The following ADAT2 variants were observed in gnomAD, a reference collection of about 807,000 sequenced individuals.
ADAT2 encodes the protein tRNA-specific adenosine-34 deaminase catalytic subunit ADAT2.
In ADAT2, 26 loss-of-function variants were observed where a neutral mutation model predicts 25.9. The ratio of observed to expected loss-of-function variants is 1.00; its 90% confidence interval spans 0.74 to 1.39. The LOEUF (loss-of-function observed/expected upper bound fraction) is 1.39. Among genes scored for constraint, ADAT2 ranks in the 40% most tolerant of loss-of-function variants. The pLI is 0.00. For synonymous variants in ADAT2, 76 were observed against 86.8 expected, an observed-to-expected ratio of 0.88 and a Z score of 0.69; for missense variants, 220 against 244.8, an observed-to-expected ratio of 0.90 and a Z score of 0.68.
At position 143,446,211 on chromosome 6, in the gene ADAT2, G is replaced by A. The variant is rs1306752578; in HGVS notation, c.96+4352C>T. Among the ~76,000 whole-genome samples, 1 of 151,958 alleles carries A rather than the reference G, an allele frequency of 6.6e-6. No homozygotes were observed. The highest frequency in any genetic ancestry group is 2.4e-5 in the African/African-American group (1 of 41,392). ...TTTACAGTTTTTAAAAAGTCAAATA[G>A]ATTTACACTGTATATACAGTTCAGC... On this transcript the variant is annotated intron_variant, in intron 1 of 5. Coordinates refer to ENST00000237283, the MANE Select transcript of ADAT2 (RefSeq NM_182503.3). The surrounding 1 kb of genome is among the most constrained non-coding windows in gnomAD (Gnocchi z 5.0).
chr6:143,433,432 C>T (rs1779175177), intron 3 of ADAT2, among the ~76,000 whole-genome samples: 1 of 152,080 alleles, frequency 6.6e-6, no homozygotes, highest in Non-Finnish European at 1.5e-5. Flanking sequence ...GGCAAACAAA[C>T]CAACCAGATA....
At chr6:143,431,989 A>G (rs9496633) in intron 4 of ADAT2, among the ~76,000 whole-genome samples, 35,109 of 152,128 alleles carry the variant, frequency 0.23, 4,629 homozygotes, top group Middle Eastern at 0.3. Flanking sequence ...GTCTGGGGGA[A>G]ATTTCAACAT....
chr6:143,449,141 A>T (rs1467508164), intron 1 of ADAT2, among the ~76,000 whole-genome samples: 2 of 152,032 alleles, frequency 1.3e-5, no homozygotes, highest in Admixed American at 6.6e-5. Flanking sequence ...CAATCTCCCA[A>T]GGCTCAAGCA....
intron 1 of ADAT2, among the ~76,000 whole-genome samples, chr6:143,448,338 A>G (rs895371457): frequency 6.6e-6 from 1 of 152,174 alleles, no homozygotes; most frequent in East Asian, 1.9e-4. Flanking sequence ...CCAACATGGC[A>G]CATGTATACA....
chr6:143,448,243 G>T (rs1779653151), intron 1 of ADAT2, among the ~76,000 whole-genome samples: 2 of 151,970 alleles, frequency 1.3e-5, no homozygotes. Context: ...ACACACCGGG[G>T]CCTGTCATGG....
Position 143,446,182 on chromosome 6 carries a change from C to T in ADAT2, c.96+4381G>A, listed in dbSNP as rs564310974. Among the ~76,000 whole-genome samples the T allele has an allele frequency of 1.1e-4, 16 of 151,828 alleles. 1 individual carries two copies. The highest frequency in any genetic ancestry group is 6.9e-3 in the Middle Eastern group (2 of 290). On this transcript the variant is annotated intron_variant, in intron 1 of 5. Transcript: ENST00000237283. The surrounding 1 kb of genome is among the most constrained non-coding windows in gnomAD (Gnocchi z 5.0). ...TGTTTTTTCCTATGCCCTGCATACA[C>T]ATATTTACAGTTTTTAAAAAGTCAA...
chr6:143,430,812 G>C (rs200442303), intron 4 of ADAT2, among the ~76,000 whole-genome samples: 1 of 152,074 alleles, frequency 6.6e-6, no homozygotes, highest in Admixed American at 6.5e-5. Flanking sequence ...TGATCTGCCC[G>C]CCTTGGCCTC....
chr6:143,428,344 C>T lies in ADAT2; in HGVS notation c.*119G>A. On this transcript the variant is annotated 3_prime_UTR_variant, in exon 6 of 6. Transcript: ENST00000237283. This position sits in a 1 kb window ranked among gnomAD's most constrained non-coding sequence, Gnocchi z 5.0. ...TAACAGAGCAAATGATGAGAGACAC[C>T]ATTTTCCTGCAGATTAAAAACAATA... 8.8e-7 allele frequency: 1 copy of T among 1,134,496 alleles called. No homozygotes were observed. Among genetic ancestry groups the T allele is most frequent in the Non-Finnish European group, 1.3e-6 (1 of 797,530 alleles). The allele number at this position is 1,134,496 out of a possible 1,614,324, so 70.3% of individuals were successfully genotyped here.
At chr6:143,433,478 A>G (rs1329185510) in intron 3 of ADAT2, among the ~76,000 whole-genome samples, 2 of 152,228 alleles carry the variant, frequency 1.3e-5, no homozygotes, top group Non-Finnish European at 2.9e-5. Context: ...CTCATAATCC[A>G]TTATCCAAAG....
rs962215144 is a variant in ADAT2, at chr6:143,422,894, C to T, written c.*5569G>A. 6.6e-6 allele frequency: 1 copy of T among 152,192 alleles called. No homozygotes were observed. Among genetic ancestry groups the T allele is most frequent in the African/African-American group, 2.4e-5 (1 of 41,444 alleles). The allele number at this position is 152,192 out of a possible 1,614,324, so 9.4% of individuals were successfully genotyped here. A position where few individuals can be genotyped will look rare whatever the true frequency, so the allele number is the denominator to read the frequency against. On this transcript the variant is annotated 3_prime_UTR_variant, in exon 6 of 6. Transcript: ENST00000237283. This position sits in a 1 kb window ranked among gnomAD's most constrained non-coding sequence, Gnocchi z 4.3. ...AATAAAATGATACATTATCTTTTCT[C>T]CTTGCCACTCTCTTAAAATGTATAC...
chr6:143,427,096 A>AACACACACAACACACACACACAC lies in ADAT2; in HGVS notation c.*1366_*1367insGTGTGTGTGTGTGTTGTGTGTGT, dbSNP rs1778954396. ...CCATAAAACTTTTCAAATGCAGTTA[A>AACACACACAACACACACACACAC]ACACACACACACACACACACACACA... On this transcript the variant is annotated 3_prime_UTR_variant, in exon 6 of 6. Transcript: ENST00000237283. 1 of 140,176 alleles carries AACACACACAACACACACACACAC rather than the reference A, an allele frequency of 7.1e-6. No individual in the cohort carries two copies. The highest frequency in any genetic ancestry group is 1.5e-5 in the Non-Finnish European group (1 of 64,902). The allele number at this position is 140,176 out of a possible 1,614,324, so 8.7% of individuals were successfully genotyped here.
rs913133412 is a variant in ADAT2, at chr6:143,425,475, C to T, written c.*2988G>A. ...GCTGCAGTGAGCTGTGATCATGCCA[C>T]TGGACGACAGAGTGAGACCTATCTC... is the stretch of plus-strand genomic sequence containing the variant. On this transcript the variant is annotated 3_prime_UTR_variant, in exon 6 of 6. Coordinates refer to ENST00000237283, the MANE Select transcript of ADAT2 (RefSeq NM_182503.3). 2.7e-5 allele frequency: 4 copies of T among 146,996 alleles called. No individual in the cohort carries two copies. The highest frequency in any genetic ancestry group is 5.9e-5 in the Non-Finnish European group (4 of 67,822). 9.1% of individuals were successfully genotyped at this position (146,996 alleles called of 1,614,324 possible).
Position 143,442,456 on chromosome 6 carries a change from C to T in ADAT2, c.97-3762G>A, listed in dbSNP as rs1451114651. On this transcript the variant is annotated intron_variant, in intron 1 of 5. Coordinates refer to ENST00000237283, the MANE Select transcript of ADAT2 (RefSeq NM_182503.3). The surrounding 1 kb of genome is among the most constrained non-coding windows in gnomAD (Gnocchi z 4.6). The stretch of plus-strand genomic sequence containing the variant: ...GGTGGTTATACAAAGCTAAACATGA[C>T]AAAATTGCATAGGCACGCATACACA... Among the ~76,000 whole-genome samples, 4 of 148,518 alleles carry T rather than the reference C, an allele frequency of 2.7e-5. No homozygotes were observed. Among genetic ancestry groups the T allele is most frequent in the African/African-American group, 1.0e-4 (4 of 40,146 alleles).
At chr6:143,445,935 T>C (rs935958790) in intron 1 of ADAT2, among the ~76,000 whole-genome samples, 1 of 152,130 alleles carries the variant, frequency 6.6e-6, no homozygotes, top group African/African-American at 2.4e-5. Flanking sequence ...AAAAATACAA[T>C]TGACTTTTTT....
chr6:143,445,424 CTAGA>C (rs1000836144), intron 1 of ADAT2, among the ~76,000 whole-genome samples: 3 of 152,214 alleles, frequency 2.0e-5, no homozygotes, highest in African/African-American at 4.8e-5. Context: ...GAGCCCTGTT[CTAGA>C]TAGATAGATA....
intron 1 of ADAT2, among the ~76,000 whole-genome samples, chr6:143,439,894 A>C (rs1045704083): frequency 3.9e-5 from 6 of 152,210 alleles, no homozygotes; most frequent in African/African-American, 1.4e-4. Context: ...CACTTCCATG[A>C]CTACCATCCC....
At chr6:143,429,353 G>A in intron 4 of ADAT2, among the ~76,000 whole-genome samples, 1 of 152,080 alleles carries the variant, frequency 6.6e-6, no homozygotes, top group East Asian at 1.9e-4. Context: ...TTGCTACAGA[G>A]GATTTTAAAA....
intron 1 of ADAT2, among the ~76,000 whole-genome samples, chr6:143,449,034 ATTTCC>A (rs1381201738): frequency 6.6e-6 from 1 of 150,544 alleles, no homozygotes. Flanking sequence ...CCTTCTTTGT[ATTTCC>A]TTTACTTTGT....
Position 143,440,561 on chromosome 6 carries a change from G to T in ADAT2, c.97-1867C>A, listed in dbSNP as rs1470376357. 6.6e-6 allele frequency among the ~76,000 whole-genome samples: 1 copy of T among 152,204 alleles called. No homozygotes were observed. Among genetic ancestry groups the T allele is most frequent in the Non-Finnish European group, 1.5e-5 (1 of 68,038 alleles). On this transcript the variant is annotated intron_variant, in intron 1 of 5. Coordinates refer to ENST00000237283, the MANE Select transcript of ADAT2 (RefSeq NM_182503.3). This position sits in a 1 kb window ranked among gnomAD's most constrained non-coding sequence, Gnocchi z 4.5. ...GAGAAGACAGTATCTGATGCAGTAA[G>T]ACTGCATTCAGGACTATTTTATGAA...
Sources: gnomAD v4.1 joint callset for allele counts (sites outside exome capture counted in the v4.1 genomes callset) on GRCh38, gnomAD v4.1.1 for gene constraint, Gnocchi (gnomAD v3.1) non-coding constraint, MANE v1.5 for transcripts, NCBI Gene and HGNC (gene_info 2026-07-23, HGNC 2026-07-21) for gene names.